ZNF445: variants seen among roughly 807,000 people sequenced by gnomAD.
ZNF445 encodes zinc finger protein 445.
ZNF445 carries 19 observed loss-of-function variants against 93.9 expected under a neutral mutation model. That is an observed-to-expected ratio of 0.20 (90% CI 0.14 to 0.30). ZNF445 has a LOEUF of 0.30. ZNF445 is among the 10% of genes least tolerant of loss of function. The pLI is 1.00. For synonymous variants in ZNF445, 449 were observed against 446.3 expected, an observed-to-expected ratio of 1.01 and a Z score of -0.08; for missense variants, 1,058 against 1,259.4, an observed-to-expected ratio of 0.84 and a Z score of 2.42.
At position 44,432,977 on chromosome 3, in the gene ZNF445, G is replaced by A. The variant is rs932392500; in HGVS notation, c.*13598C>T. The stretch of plus-strand genomic sequence containing the variant: ...GCAGTAGGTTCATTTTCAGGTGGAA[G>A]TGTAGGAAGCACAGGAGATCACAGA... On this transcript the variant is annotated 3_prime_UTR_variant, in exon 8 of 8. Transcript: ENST00000396077. 1.3e-5 allele frequency: 2 copies of A among 152,208 alleles called. No homozygotes were observed. Among genetic ancestry groups the A allele is most frequent in the African/African-American group, 4.8e-5 (2 of 41,442 alleles). The allele number at this position is 152,208 out of a possible 1,614,324, so 9.4% of individuals were successfully genotyped here.
chr3:44,461,860 C>T (rs1258225075), intron 1 of ZNF445, among the ~76,000 whole-genome samples: 6 of 152,182 alleles, frequency 3.9e-5, no homozygotes, highest in Non-Finnish European at 2.9e-5. Context: ...TGTAAAGCGG[C>T]TTGAACCCCA....
At position 44,436,456 on chromosome 3, in the gene ZNF445, ACT is replaced by A. The variant is rs1262635143; in HGVS notation, c.*10117_*10118del. 1 of 152,134 alleles carries A rather than the reference ACT, an allele frequency of 6.6e-6. No individual in the cohort carries two copies. The highest frequency in any genetic ancestry group is 3.4e-3 in the Middle Eastern group (1 of 292). 9.4% of individuals were successfully genotyped at this position (152,134 alleles called of 1,614,324 possible). ...ATGTGGCCTGTATAGAATATCTGGC[ACT>A]CTCTACATGAATTTATTTCTCATAA... On this transcript the variant is annotated 3_prime_UTR_variant, in exon 8 of 8. Transcript: ENST00000396077.
Position 44,457,961 on chromosome 3 carries a change from C to G in ZNF445, c.-148+283G>C, listed in dbSNP as rs566987696. ...CTGGGCGGTAGAGGTTACAGTGAGC[C>G]AAGATCACACTACTGCACTCCAGCC... On this transcript the variant is annotated intron_variant, in intron 2 of 7. Coordinates refer to ENST00000396077, the MANE Select transcript of ZNF445 (RefSeq NM_181489.6). Among the ~76,000 whole-genome samples, 8 of 127,910 alleles carry G rather than the reference C, an allele frequency of 6.3e-5. No individual in the cohort carries two copies. In the East Asian group the frequency reaches 2.0e-3, roughly 32 times the overall value. 83.9% of individuals were successfully genotyped at this position (127,910 alleles called of 152,430 possible).
rs1222020656 is a variant in ZNF445 at position 44,441,108 on chromosome 3, T to G, written c.*5467A>C. Reference sequence around the variant, plus strand: ...TTTGTATTTTTTAGTAGAGACAGGGTTTCACCATGTTGGCCAGGCTGGTCT... The same window carrying G: ...TTTGTATTTTTTAGTAGAGACAGGGGTTCACCATGTTGGCCAGGCTGGTCT... On this transcript the variant is annotated 3_prime_UTR_variant, in exon 8 of 8. Transcript: ENST00000396077. 3 of 152,074 alleles carry G rather than the reference T, an allele frequency of 2.0e-5. No homozygotes were observed. The highest frequency in any genetic ancestry group is 6.6e-5 in the Admixed American group (1 of 15,262). 9.4% of individuals were successfully genotyped at this position (152,074 alleles called of 1,614,324 possible). A position where few individuals can be genotyped will look rare whatever the true frequency, so the allele number is the denominator to read the frequency against.
intron 1 of ZNF445, among the ~76,000 whole-genome samples, chr3:44,471,983 G>A (rs537744640): frequency 6.6e-6 from 1 of 152,322 alleles, no homozygotes; most frequent in South Asian, 2.1e-4. Context: ...CAGCCTCGGT[G>A]CGTGCCAGCA....
intron 1 of ZNF445, among the ~76,000 whole-genome samples, chr3:44,473,768 C>T (rs967079601): frequency 6.7e-6 from 1 of 149,318 alleles, no homozygotes; most frequent in African/African-American, 2.4e-5. Context: ...ACAGACACAG[C>T]TCCCAATAGT....
chr3:44,448,863 A>G (rs564511578), intron 7 of ZNF445, 124 bp from the exon 8 acceptor site: 2 of 1,205,208 alleles, frequency 1.7e-6, no homozygotes, highest in South Asian at 3.1e-5. Context: ...ACCTTTATAA[A>G]ATAGTCAAAC....
rs140350921 is a variant in ZNF445, at chr3:44,463,719, G to T, written c.-268-5355C>A. ...AAAGCATGCTCTTGGCCACCTGGAA[G>T]ATAAGGAAACATCCCCACCCAGAAC... On this transcript the variant is annotated intron_variant, in intron 1 of 7. Transcript: ENST00000396077. 3.7e-3 allele frequency among the ~76,000 whole-genome samples: 569 copies of T among 152,292 alleles called. 7 individuals carry two copies. Among genetic ancestry groups the T allele is most frequent in the African/African-American group, 0.013 (541 of 41,554 alleles).
chr3:44,477,353 A>C (rs573938441), intron 1 of ZNF445, among the ~76,000 whole-genome samples: 1 of 152,212 alleles, frequency 6.6e-6, no homozygotes, highest in Non-Finnish European at 1.5e-5. Context: ...GAAACGAGAA[A>C]GCCCGGAGAA....
intron 1 of ZNF445, among the ~76,000 whole-genome samples, chr3:44,474,283 G>C (rs531793876): frequency 6.6e-6 from 1 of 152,162 alleles, no homozygotes; most frequent in African/African-American, 2.4e-5. Context: ...GGGAGGCTGA[G>C]GTGGGCAGAT....
chr3:44,476,088 A>G (rs529132927), intron 1 of ZNF445, among the ~76,000 whole-genome samples: 37 of 152,378 alleles, frequency 2.4e-4, no homozygotes, highest in African/African-American at 8.9e-4. Flanking sequence ...TCAATCTTAC[A>G]GAACACCTAA....
Position 44,447,045 on chromosome 3 carries a change from A to C in ZNF445, c.2626T>G (p.Ser876Ala). The change falls in exon 8 of 8, where the codon TCT becomes GCT. Residue 876 changes from serine to alanine, a missense_variant. By Grantham distance (99) the Ser-to-Ala change is moderately conservative. This residue lies in a region of ZNF445 where 387 missense variants were observed against 475.7 expected (regional missense o/e 0.81). Coordinates refer to ENST00000396077, the MANE Select transcript of ZNF445 (RefSeq NM_181489.6). This position sits in a 1 kb window ranked among gnomAD's most constrained non-coding sequence, Gnocchi z 4.7. ...KRYKCNLCGK[S>A]YDRNYRLVNH... ...ACAAGGCGATAGTTTCTATCATAAG[A>C]TTTCCCACATAGATTACATTTATAG... 1 of 1,614,140 alleles carries C rather than the reference A, an allele frequency of 6.2e-7. No homozygotes were observed.
chr3:44,465,259 G>A (rs377219139), intron 1 of ZNF445, among the ~76,000 whole-genome samples: 2 of 152,148 alleles, frequency 1.3e-5, no homozygotes, highest in South Asian at 4.1e-4. Context: ...TAAAGGGAAT[G>A]TAATTTTGTC....
At chr3:44,457,766 G>T (rs1450264779) in intron 2 of ZNF445, among the ~76,000 whole-genome samples, 1 of 152,070 alleles carries the variant, frequency 6.6e-6, no homozygotes, top group Non-Finnish European at 1.5e-5. Context: ...ACTTTGGGAG[G>T]CCTAGGCGCG....
At chr3:44,467,248 T>C (rs934213424) in intron 1 of ZNF445, among the ~76,000 whole-genome samples, 1 of 152,246 alleles carries the variant, frequency 6.6e-6, no homozygotes, top group Admixed American at 6.5e-5. Context: ...TATTTGTTCC[T>C]TTCTACCTGA....
chr3:44,447,166 A>G lies in ZNF445; in HGVS notation c.2505T>C (p.Thr835=). ...CTTGACACCAAAAACGTTTCTCACC[A>G]GTGAGGATTTTTGGCTCCACATTTG... ...KTPNVEPKIL[T]GEKRFWCQEC... The change falls in exon 8 of 8, where the codon ACT becomes ACC. Residue 835 remains threonine (T), a synonymous_variant. Transcript: ENST00000396077. This position sits in a 1 kb window ranked among gnomAD's most constrained non-coding sequence, Gnocchi z 4.7. 1 of 1,614,208 alleles carries G rather than the reference A, an allele frequency of 6.2e-7. No individual in the cohort carries two copies. Among genetic ancestry groups the G allele is most frequent in the Non-Finnish European group, 8.5e-7 (1 of 1,180,042 alleles).
intron 1 of ZNF445, among the ~76,000 whole-genome samples, chr3:44,466,709 A>C (rs761294920): frequency 2.6e-5 from 4 of 152,304 alleles, no homozygotes; most frequent in Non-Finnish European, 5.9e-5. Flanking sequence ...AGGTGCTCTT[A>C]AATGCAGGAT....
chr3:44,466,554 C>T (rs73072644), intron 1 of ZNF445, among the ~76,000 whole-genome samples: 1,884 of 152,232 alleles, frequency 0.012, 23 homozygotes, highest in Non-Finnish European at 0.018. Context: ...TATGTTAACA[C>T]ACTGTATGCC....
At chr3:44,468,776 C>A (rs536138347) in intron 1 of ZNF445, among the ~76,000 whole-genome samples, 1 of 152,096 alleles carries the variant, frequency 6.6e-6, no homozygotes, top group South Asian at 2.1e-4. Context: ...TGGCTTCCCC[C>A]AACCCACCAA....
Sources: allele counts gnomAD v4.1 joint callset (sites outside exome capture counted in the v4.1 genomes callset), GRCh38; gene constraint gnomAD v4.1.1; regional missense constraint gnomAD v4.1.1; non-coding constraint Gnocchi (gnomAD v3.1); transcripts MANE v1.5; gene names NCBI Gene and HGNC (gene_info 2026-07-23, HGNC 2026-07-21).